The following CALU variants were observed in gnomAD, a reference collection of about 807,000 sequenced individuals.
CALU encodes the protein IEF SSP 9302.
CALU carries 13 observed loss-of-function variants against 37.5 expected under a neutral mutation model. The observed-to-expected ratio is 0.35, with a 90% CI of 0.23 to 0.55. The LOEUF is 0.55. Ranked by LOEUF, CALU falls within the 20% of genes least tolerant of loss-of-function variation. CALU has a pLI of 0.89. For missense variants in CALU, 282 were observed against 391.7 expected (o/e 0.72, Z 2.36); for synonymous variants, 114 against 133.8 (o/e 0.85, Z 1.02).
Position 128,748,812 on chromosome 7 carries a change from AC to A in CALU, c.221+10del. The A allele has an allele frequency of 1.3e-6, 2 of 1,592,156 alleles. No individual in the cohort carries two copies. Among genetic ancestry groups the A allele is most frequent in the Non-Finnish European group, 1.7e-6 (2 of 1,160,012 alleles). On this transcript the variant is annotated intron_variant, in intron 2 of 6. Transcript: ENST00000249364. ...GAGCAAGGAAAGGCTTGGGTAAGGTACCACCTCTCAGGGGTCTAGTGTGGGT... is the reference window on the plus strand; with the variant it reads ...GAGCAAGGAAAGGCTTGGGTAAGGTACACCTCTCAGGGGTCTAGTGTGGGT...
intron 2 of CALU, among the ~76,000 whole-genome samples, chr7:128,751,764 C>G (rs986666632): frequency 3.9e-5 from 6 of 152,146 alleles, no homozygotes; most frequent in African/African-American, 1.4e-4. Flanking sequence ...ATTTTGCACA[C>G]TGAAAATTTC....
At chr7:128,741,262 T>C (rs1302279341) in intron 1 of CALU, among the ~76,000 whole-genome samples, 1 of 152,220 alleles carries the variant, frequency 6.6e-6, no homozygotes, top group East Asian at 1.9e-4. Flanking sequence ...CCAGATCCAG[T>C]AAACGGAATT....
At position 128,767,453 on chromosome 7, in the gene CALU, C is replaced by G. The variant is rs781018890; in HGVS notation, c.644-3C>G. 6.2e-7 allele frequency: 1 copy of G among 1,606,874 alleles called. No homozygotes were observed. Among genetic ancestry groups the G allele is most frequent in the Non-Finnish European group, 8.5e-7 (1 of 1,173,380 alleles). ...TCTTTTGTATGTATGTCTGTGTACC[C>G]AGGTGACATGTACAGCCATGATGGG... On this transcript the variant is annotated splice_polypyrimidine_tract_variant and splice_region_variant and intron_variant, in intron 5 of 6. Transcript: ENST00000249364.
intron 1 of CALU, among the ~76,000 whole-genome samples, chr7:128,744,194 A>C (rs1800344919): frequency 6.6e-6 from 1 of 152,202 alleles, no homozygotes. Context: ...CAACAGAGAC[A>C]GACTCAGTCT....
chr7:128,745,088 G>T (rs1057174046), intron 1 of CALU, among the ~76,000 whole-genome samples: 1 of 152,116 alleles, frequency 6.6e-6, no homozygotes. Context: ...AATATTTGGG[G>T]TTGGCAAGAA....
At chr7:128,760,781 G>A (rs563822361) in intron 5 of CALU, among the ~76,000 whole-genome samples, 19 of 152,282 alleles carry the variant, frequency 1.2e-4, no homozygotes, top group African/African-American at 3.9e-4. Flanking sequence ...AGTGGCAGGC[G>A]CCTGTAGTCC....
chr7:128,770,661 A>G lies in CALU; in HGVS notation c.*1494A>G, dbSNP rs1292384960. The stretch of plus-strand genomic sequence containing the variant: ...GAGAGATGTGGAAAGAGCTAAAGAA[A>G]CCACCCTTTGTTCCCAACTCCACTT... On this transcript the variant is annotated 3_prime_UTR_variant, in exon 7 of 7. Coordinates refer to ENST00000249364, the MANE Select transcript of CALU (RefSeq NM_001219.5). 5 of 152,442 alleles carry G rather than the reference A, an allele frequency of 3.3e-5. 1 individual carries two copies. The South Asian group carries it at 1.0e-3, about 32-fold the overall frequency. 9.4% of individuals were successfully genotyped at this position (152,442 alleles called of 1,614,324 possible). A position where few individuals can be genotyped will look rare whatever the true frequency, so the allele number is the denominator to read the frequency against.
chr7:128,742,870 G>T (rs540951345), intron 1 of CALU, among the ~76,000 whole-genome samples: 63 of 152,234 alleles, frequency 4.1e-4, no homozygotes, highest in African/African-American at 1.5e-3. Context: ...ACTACAAAAG[G>T]ATGATAGCTA....
intron 5 of CALU, among the ~76,000 whole-genome samples, chr7:128,765,696 A>C (rs778137650): frequency 6.6e-6 from 1 of 152,190 alleles, no homozygotes. Flanking sequence ...CAGACGTTTT[A>C]TGTTTATATA....
At chr7:128,757,921 T>TA (rs1204676473) in intron 3 of CALU, among the ~76,000 whole-genome samples, 4 of 151,976 alleles carry the variant, frequency 2.6e-5, no homozygotes, top group South Asian at 4.1e-4. Context: ...GTTTTTTTTT[T>TA]TGTATACCTT....
intron 5 of CALU, among the ~76,000 whole-genome samples, chr7:128,764,278 A>AG (rs988276719): frequency 1.3e-5 from 2 of 151,802 alleles, no homozygotes; most frequent in African/African-American, 2.4e-5. Context: ...AAATACAAAA[A>AG]AAAAGAAAAA....
intron 2 of CALU, among the ~76,000 whole-genome samples, chr7:128,753,844 G>T (rs1800767226): frequency 6.6e-6 from 1 of 152,118 alleles, no homozygotes; most frequent in African/African-American, 2.4e-5. Context: ...ACCAAGAATT[G>T]GAGTTTCTCT....
At chr7:128,756,590 A>C (rs987825847) in intron 3 of CALU, among the ~76,000 whole-genome samples, 1 of 152,208 alleles carries the variant, frequency 6.6e-6, no homozygotes, top group South Asian at 2.1e-4. Context: ...TGAATCCGCT[A>C]TCCATGAGAG....
intron 5 of CALU, among the ~76,000 whole-genome samples, chr7:128,762,263 A>G (rs558010299): frequency 2.0e-5 from 3 of 152,186 alleles, no homozygotes; most frequent in African/African-American, 7.2e-5. Context: ...CTTATCAAGC[A>G]TTGAGGCCAA....
Position 128,772,749 on chromosome 7 carries a change from A to G in CALU, c.*3582A>G. On this transcript the variant is annotated 3_prime_UTR_variant, in exon 7 of 7. Transcript: ENST00000249364. ...ATTCTCTGTATCACCAAAGCCTTGC[A>G]CAATGCTTTGTACCCAGAATGCCCT... 1.9e-6 allele frequency: 3 copies of G among 1,545,338 alleles called. No homozygotes were observed. Among genetic ancestry groups the G allele is most frequent in the Non-Finnish European group, 2.7e-6 (3 of 1,119,810 alleles).
At chr7:128,741,692 A>G (rs1442429493) in intron 1 of CALU, among the ~76,000 whole-genome samples, 1 of 152,226 alleles carries the variant, frequency 6.6e-6, no homozygotes, top group Non-Finnish European at 1.5e-5. Context: ...ATAACTACCA[A>G]ATTCTCAACA....
At position 128,753,479 on chromosome 7, in the gene CALU, A is replaced by G. The variant is rs4731514; in HGVS notation, c.222-783A>G. ...GACACTTATAAAGCTTCATAAAGCCACTGATTCTTTAGCTTTGTGGTTTTG... is the reference window on the plus strand; with the variant it reads ...GACACTTATAAAGCTTCATAAAGCCGCTGATTCTTTAGCTTTGTGGTTTTG... On this transcript the variant is annotated intron_variant, in intron 2 of 6. Coordinates refer to ENST00000249364, the MANE Select transcript of CALU (RefSeq NM_001219.5). Among the ~76,000 whole-genome samples the G allele has an allele frequency of 8.4e-3, 1,283 of 152,362 alleles. 24 individuals carry two copies. Among genetic ancestry groups the G allele is most frequent in the East Asian group, 0.081 (420 of 5,188 alleles).
At chr7:128,752,449 G>C (rs988778080) in intron 2 of CALU, among the ~76,000 whole-genome samples, 1 of 152,036 alleles carries the variant, frequency 6.6e-6, no homozygotes, top group African/African-American at 2.4e-5. Flanking sequence ...ATACCTTTTG[G>C]GGGTAGGAGG....
intron 1 of CALU, among the ~76,000 whole-genome samples, chr7:128,745,545 C>T (rs764446448): frequency 7.8e-4 from 118 of 152,128 alleles, no homozygotes; most frequent in Non-Finnish European, 1.3e-3. Flanking sequence ...GACCAGACTG[C>T]AGTGAGCTAT....
Sources: gnomAD v4.1 joint callset for allele counts (sites outside exome capture counted in the v4.1 genomes callset) on GRCh38, gnomAD v4.1.1 for gene constraint, MANE v1.5 for transcripts, NCBI Gene and HGNC (gene_info 2026-07-23, HGNC 2026-07-21) for gene names.